AKAP13: variants seen among roughly 807,000 people sequenced by gnomAD.
AKAP13 encodes the protein A-kinase anchor protein 13.
AKAP13 carries 80 observed loss-of-function variants against 264.5 expected under a neutral mutation model. The observed-to-expected ratio is 0.30, with a 90% CI of 0.25 to 0.36. The LOEUF (loss-of-function observed/expected upper bound fraction) is 0.36. Ranked by LOEUF, AKAP13 falls within the 10% of genes least tolerant of loss-of-function variation. The pLI, the probability that AKAP13 is intolerant of heterozygous loss-of-function variation, is 1.00. For missense variants in AKAP13, 3,712 were observed against 3,435.2 expected (o/e 1.08, Z -2.01); for synonymous variants, 1,380 against 1,250.2 (o/e 1.10, Z -2.19).
chr15:85,578,054 A>T (rs1470006175), intron 6 of AKAP13, among the ~76,000 whole-genome samples: 1 of 152,212 alleles, frequency 6.6e-6, no homozygotes, highest in Non-Finnish European at 1.5e-5. Context: ...AGACCAAGGT[A>T]GGAGGATCCC....
chr15:85,735,593 A>G lies in AKAP13; in HGVS notation c.7475A>G (p.Asp2492Gly). The stretch of plus-strand genomic sequence containing the variant: ...AAGGAAGAGGGAGATGATGGCCAAG[A>G]TCTTAGGAGAACGGAATCAGATAGT... ...GEKEEGDDGQ[D>G]LRRTESDSGL... Residue 2492 changes from aspartate (D) to glycine (G), a missense_variant, in exon 32 of 37, where the codon GAT (aspartate) becomes GGT (glycine). This residue lies in a region of AKAP13 where 611 missense variants were observed against 539.3 expected (regional missense o/e 1.13). Coordinates refer to ENST00000394518, the MANE Select transcript of AKAP13 (RefSeq NM_007200.5). The G allele has an allele frequency of 5.0e-6, 8 of 1,613,342 alleles. No individual in the cohort carries two copies. Among genetic ancestry groups the G allele is most frequent in the Non-Finnish European group, 6.8e-6 (8 of 1,179,766 alleles).
chr15:85,387,920 C>G (rs2070658628), intron 1 of AKAP13, among the ~76,000 whole-genome samples: 2 of 152,156 alleles, frequency 1.3e-5, no homozygotes, highest in East Asian at 3.9e-4. Flanking sequence ...TTGCTAAACT[C>G]ATTTTTAGTA....
chr15:85,645,673 A>C (rs2082524613), intron 9 of AKAP13, 145 bp from the exon 10 acceptor site: 1 of 890,172 alleles, frequency 1.1e-6, no homozygotes, highest in South Asian at 2.0e-5. Context: ...TTTTGAAAAA[A>C]AGAAATAAGG....
chr15:85,603,892 G>A (rs1212712959), intron 8 of AKAP13, among the ~76,000 whole-genome samples: 1 of 152,138 alleles, frequency 6.6e-6, no homozygotes, highest in East Asian at 1.9e-4. Context: ...TGTATCTCAT[G>A]TGCCTCACTA....
At chr15:85,498,334 C>T (rs1414620943) in intron 2 of AKAP13, among the ~76,000 whole-genome samples, 2 of 151,810 alleles carry the variant, frequency 1.3e-5, no homozygotes, top group Non-Finnish European at 2.9e-5. Flanking sequence ...TGTGTGGCTT[C>T]GTCTTGCATC....
At chr15:85,651,433 T>C (rs1017168412) in intron 10 of AKAP13, 14 of 152,200 alleles carry the variant, frequency 9.2e-5, no homozygotes, top group African/African-American at 3.4e-4. Context: ...ATTCAGTATT[T>C]GTTTATAGGT....
chr15:85,602,311 G>C (rs555589448), intron 8 of AKAP13, among the ~76,000 whole-genome samples: 193 of 151,800 alleles, frequency 1.3e-3, no homozygotes, highest in African/African-American at 4.4e-3. Flanking sequence ...AAGTAGCTGA[G>C]ATTACAGGCG....
intron 1 of AKAP13, among the ~76,000 whole-genome samples, chr15:85,396,081 C>T (rs1432444432): frequency 6.6e-6 from 1 of 151,964 alleles, no homozygotes; most frequent in African/African-American, 2.4e-5. Context: ...ATATATTAAA[C>T]TTAATAAAAT....
chr15:85,443,881 C>G (rs2073805057), intron 1 of AKAP13, among the ~76,000 whole-genome samples: 1 of 152,034 alleles, frequency 6.6e-6, no homozygotes, highest in Non-Finnish European at 1.5e-5. Flanking sequence ...ACTGCCAGAA[C>G]TTGCCATTGA....
intron 8 of AKAP13, among the ~76,000 whole-genome samples, chr15:85,599,005 A>G (rs750092656): frequency 2.6e-5 from 4 of 152,236 alleles, no homozygotes; most frequent in Non-Finnish European, 4.4e-5. Flanking sequence ...AGTCAACACA[A>G]TAGGCTATGT....
intron 1 of AKAP13, among the ~76,000 whole-genome samples, chr15:85,400,662 A>C (rs980256984): frequency 6.6e-6 from 1 of 152,090 alleles, no homozygotes; most frequent in Non-Finnish European, 1.5e-5. Context: ...TTTCTGTATT[A>C]TAAGTAGGAA....
chr15:85,674,707 T>C (rs753478937), intron 14 of AKAP13, among the ~76,000 whole-genome samples: 76 of 152,314 alleles, frequency 5.0e-4, no homozygotes, highest in Middle Eastern at 3.4e-3. Context: ...AAAGGATCTG[T>C]GTGACCAAAG....
intron 8 of AKAP13, among the ~76,000 whole-genome samples, chr15:85,603,452 A>C (rs910955674): frequency 2.0e-5 from 3 of 152,238 alleles, no homozygotes; most frequent in Admixed American, 6.5e-5. Context: ...TCACACAGAC[A>C]CCCTGAAAAG....
chr15:85,527,170 A>T (rs950845773), intron 3 of AKAP13, among the ~76,000 whole-genome samples: 3 of 152,214 alleles, frequency 2.0e-5, no homozygotes, highest in Middle Eastern at 3.4e-3. Context: ...TCACCGTGTT[A>T]GCCAGGATGG....
At chr15:85,608,017 A>AT (rs563767463) in intron 8 of AKAP13, among the ~76,000 whole-genome samples, 222 of 152,148 alleles carry the variant, frequency 1.5e-3, no homozygotes, top group Non-Finnish European at 2.5e-3. Flanking sequence ...GTACCTCTGC[A>AT]TTTTTTGGAG....
At chr15:85,716,752 C>G (rs943620444) in intron 20 of AKAP13, among the ~76,000 whole-genome samples, 1 of 152,048 alleles carries the variant, frequency 6.6e-6, no homozygotes, top group Non-Finnish European at 1.5e-5. Context: ...CAAAAGTGTA[C>G]TTTTCAAAAG....
chr15:85,651,932 G>A (rs367796270), intron 10 of AKAP13, among the ~76,000 whole-genome samples: 8 of 152,140 alleles, frequency 5.3e-5, no homozygotes, highest in East Asian at 3.9e-4. Flanking sequence ...TTTCCCAAGC[G>A]GTTGTACCAT....
chr15:85,392,760 A>G lies in AKAP13; in HGVS notation c.-12+11962A>G, dbSNP rs1394770782. On this transcript the variant is annotated intron_variant, in intron 1 of 36. Transcript: ENST00000394518. ...GTTCCTGGAAAAATTGTTAGCACAT[A>G]CTCTTCCCACCAGGCTAATCGTGGC... Among the ~76,000 whole-genome samples the G allele has an allele frequency of 6.6e-5, 10 of 151,614 alleles. No homozygotes were observed. The East Asian group carries it at 1.9e-3, about 29-fold the overall frequency.
chr15:85,385,804 T>G (rs575622051), intron 1 of AKAP13, among the ~76,000 whole-genome samples: 170 of 152,320 alleles, frequency 1.1e-3, no homozygotes, highest in African/African-American at 4.0e-3. Context: ...TAGTCTGTTT[T>G]TACTTGTCTT....
Sources: gnomAD v4.1 joint callset for allele counts (sites outside exome capture counted in the v4.1 genomes callset) on GRCh38, gnomAD v4.1.1 for gene constraint, gnomAD v4.1.1 regional missense constraint, MANE v1.5 for transcripts, NCBI Gene and HGNC (gene_info 2026-07-23, HGNC 2026-07-21) for gene names.